The following NUDT7 variants were observed in gnomAD, a reference collection of about 807,000 sequenced individuals.
The protein encoded by NUDT7 is peroxisomal coenzyme A diphosphatase NUDT7.
Under a neutral mutation model 13.1 loss-of-function variants are expected in NUDT7, and 19 were observed. The ratio of observed to expected loss-of-function variants is 1.45; its 90% CI spans 1.01 to 2.13. NUDT7 has a LOEUF of 2.13. NUDT7 is among the 30% of genes most tolerant of loss of function. NUDT7 has a pLI of 0.00. For missense variants in NUDT7, 360 were observed against 291.7 expected (o/e 1.23, Z -1.71); for synonymous variants, 132 against 109.7 (o/e 1.20, Z -1.27).
intron 3 of NUDT7, among the ~76,000 whole-genome samples, chr16:77,738,287 G>T (rs1430422229): frequency 6.6e-6 from 1 of 152,134 alleles, no homozygotes; most frequent in Admixed American, 6.5e-5. Context: ...CATGTGGGTG[G>T]ATAGAATTCA....
rs1418431215 is a variant in NUDT7, at chr16:77,741,821, A to G, written c.588A>G (p.Ala196=). The change falls in exon 4 of 4, where the codon GCA becomes GCG. Residue 196 remains alanine (A), a synonymous_variant. Transcript: ENST00000268533. ...TCAAGGGAATGACGGCAAACCTTGCAGTGTTGGTGGCCTTTATCATTTTGG... is the reference window on the plus strand; with the variant it reads ...TCAAGGGAATGACGGCAAACCTTGCGGTGTTGGTGGCCTTTATCATTTTGG... ...YQIKGMTANL[A]VLVAFIILEK... 1 of 1,614,152 alleles carries G rather than the reference A, an allele frequency of 6.2e-7. No individual in the cohort carries two copies. Among genetic ancestry groups the G allele is most frequent in the East Asian group, 2.2e-5 (1 of 44,872 alleles).
At chr16:77,735,517 C>T (rs576735851) in intron 2 of NUDT7, 5 of 566,994 alleles carry the variant, frequency 8.8e-6, no homozygotes, top group Non-Finnish European at 3.2e-6. Flanking sequence ...TGTGAGCCAA[C>T]CAAACCTCTT....
Position 77,736,016 on chromosome 16 carries a change from C to G in NUDT7, c.348+30C>G. The G allele has an allele frequency of 1.9e-6, 3 of 1,604,790 alleles. No homozygotes were observed. In the South Asian group the frequency reaches 3.3e-5, roughly 18 times the overall value. On this transcript the variant is annotated intron_variant, in intron 3 of 3. Transcript: ENST00000268533. ...GGGTTTCCTGAGACACTCATGAGCA[C>G]CGTCCCCACCCCCAGGTGGATCTAC...
At chr16:77,732,104 A>T (rs1337100946) in intron 2 of NUDT7, among the ~76,000 whole-genome samples, 1 of 152,086 alleles carries the variant, frequency 6.6e-6, no homozygotes, top group Non-Finnish European at 1.5e-5. Flanking sequence ...AGGTGGAGGG[A>T]ACCATCTGAG....
intron 2 of NUDT7, among the ~76,000 whole-genome samples, chr16:77,727,508 G>T (rs987629169): frequency 6.6e-6 from 1 of 152,188 alleles, no homozygotes; most frequent in Non-Finnish European, 1.5e-5. Context: ...ACCAGTGTCT[G>T]TTCCCACCTC....
At chr16:77,731,491 T>C (rs1424163578) in intron 2 of NUDT7, among the ~76,000 whole-genome samples, 1 of 152,210 alleles carries the variant, frequency 6.6e-6, no homozygotes, top group Non-Finnish European at 1.5e-5. Flanking sequence ...ACAAACCTAC[T>C]GTGTTGCCAG....
chr16:77,738,102 A>G (rs17716830), intron 3 of NUDT7, among the ~76,000 whole-genome samples: 19,614 of 152,206 alleles, frequency 0.13, 1,427 homozygotes, highest in African/African-American at 0.19. Flanking sequence ...AAATGTGTCA[A>G]TTACTTTTCC....
chr16:77,726,878 G>T (rs1023303602), intron 2 of NUDT7, among the ~76,000 whole-genome samples: 3 of 152,172 alleles, frequency 2.0e-5, no homozygotes, highest in African/African-American at 7.2e-5. Context: ...TCATGGTTCT[G>T]CAGGCTGTAC....
rs141627136 is a variant in NUDT7 at position 77,739,953 on chromosome 16, T to C, written c.349-1629T>C. Among the ~76,000 whole-genome samples the C allele has an allele frequency of 1.8e-3, 280 of 152,246 alleles. 4 individuals are homozygous for C. The highest frequency in any genetic ancestry group is 6.4e-3 in the African/African-American group (267 of 41,554). On this transcript the variant is annotated intron_variant, in intron 3 of 3. Transcript: ENST00000268533. ...CCCCATGGTGCCCTTGCCAGCCTTC[T>C]TCCCTTATGAGTATTGCTCCCCTCT...
chr16:77,724,936 T>A (rs1197269582), intron 1 of NUDT7, among the ~76,000 whole-genome samples: 1 of 152,228 alleles, frequency 6.6e-6, no homozygotes. Context: ...AGTCACAGTC[T>A]GGGACTGAAC....
At chr16:77,735,260 G>T (rs772571216) in intron 2 of NUDT7, 5 of 404,084 alleles carry the variant, frequency 1.2e-5, no homozygotes, top group Non-Finnish European at 2.2e-5. Flanking sequence ...CTGGGGCCTG[G>T]TGGGAGGTGA....
intron 3 of NUDT7, among the ~76,000 whole-genome samples, chr16:77,740,151 A>T (rs1047577820): frequency 6.6e-6 from 1 of 152,034 alleles, no homozygotes; most frequent in Non-Finnish European, 1.5e-5. Context: ...TAACTTAATG[A>T]CCCCAAATTT....
chr16:77,729,349 C>T (rs1010287929), intron 2 of NUDT7, among the ~76,000 whole-genome samples: 1 of 152,062 alleles, frequency 6.6e-6, no homozygotes, highest in Non-Finnish European at 1.5e-5. Flanking sequence ...CTAAATCTAG[C>T]TAATTAATTT....
At chr16:77,729,523 A>T (rs2014245094) in intron 2 of NUDT7, among the ~76,000 whole-genome samples, 1 of 152,166 alleles carries the variant, frequency 6.6e-6, no homozygotes, top group Non-Finnish European at 1.5e-5. Flanking sequence ...TCAAAATAGC[A>T]TATTTTCTTT....
chr16:77,734,982 T>C (rs1367266016), intron 2 of NUDT7, among the ~76,000 whole-genome samples: 2 of 152,190 alleles, frequency 1.3e-5, no homozygotes, highest in Non-Finnish European at 2.9e-5. Context: ...AAATGGTTAC[T>C]TTTATGTGAA....
intron 2 of NUDT7, among the ~76,000 whole-genome samples, chr16:77,726,534 A>C (rs1318927): frequency 0.23 from 35,306 of 151,952 alleles, 4,540 homozygotes; most frequent in African/African-American, 0.36. Context: ...TGGTGGCTCA[A>C]GCATGTAATC....
intron 2 of NUDT7, among the ~76,000 whole-genome samples, chr16:77,732,809 A>T (rs1468448072): frequency 6.6e-6 from 1 of 150,990 alleles, no homozygotes; most frequent in African/African-American, 2.5e-5. Context: ...CATTTAAAAC[A>T]GGCATCATAT....
At chr16:77,728,615 G>A (rs541046945) in intron 2 of NUDT7, among the ~76,000 whole-genome samples, 1 of 152,302 alleles carries the variant, frequency 6.6e-6, no homozygotes, top group Admixed American at 6.5e-5. Flanking sequence ...TCATGTGCAA[G>A]GTTGTTCTGA....
chr16:77,725,633 A>G, intron 2 of NUDT7, 49 bp downstream of exon 2: 1 of 1,561,224 alleles, frequency 6.4e-7, no homozygotes, highest in Non-Finnish European at 8.7e-7. Flanking sequence ...ACATCAGAAG[A>G]CCTCACGAGA....
Sources: allele counts gnomAD v4.1 joint callset (sites outside exome capture counted in the v4.1 genomes callset), GRCh38; gene constraint gnomAD v4.1.1; transcripts MANE v1.5; gene names NCBI Gene and HGNC (gene_info 2026-07-23, HGNC 2026-07-21).